PIGN: variants seen among roughly 807,000 people sequenced by gnomAD.
The protein encoded by PIGN is GPI ethanolamine phosphate transferase 1.
Under a neutral mutation model 125.4 loss-of-function variants are expected in PIGN, and 117 were observed. The observed-to-expected ratio is 0.93, with a 90% confidence interval of 0.80 to 1.09. PIGN has a LOEUF of 1.09. Among genes scored for constraint, PIGN ranks in the 50% least tolerant of loss-of-function variants. PIGN has a pLI of 0.00. For missense variants in PIGN, 1,075 were observed against 1,094.9 expected, an observed-to-expected ratio of 0.98 and a Z score of 0.26; for synonymous variants, 392 against 377.8, an observed-to-expected ratio of 1.04 and a Z score of -0.44.
At chr18:62,157,280 C>A in intron 5 of PIGN, 53 bp from the exon 6 acceptor site, 4 of 852,936 alleles carry the variant, frequency 4.7e-6, no homozygotes, top group East Asian at 2.6e-5. Flanking sequence ...ACAATAAGCC[C>A]CTAAAGAACT....
chr18:62,122,126 T>C (rs1054841443), intron 14 of PIGN, among the ~76,000 whole-genome samples: 3 of 152,132 alleles, frequency 2.0e-5, no homozygotes, highest in African/African-American at 4.8e-5. Context: ...TGGTGTTCAA[T>C]AGAGCAGTAG....
intron 30 of PIGN, among the ~76,000 whole-genome samples, chr18:62,072,138 TATTAA>T (rs1226164759): frequency 6.7e-6 from 1 of 150,248 alleles, no homozygotes; most frequent in African/African-American, 2.4e-5. Flanking sequence ...GATTTTAAAA[TATTAA>T]ATTAAAATAT....
At chr18:62,077,095 A>G (rs2033210856) in intron 28 of PIGN, among the ~76,000 whole-genome samples, 1 of 152,146 alleles carries the variant, frequency 6.6e-6, no homozygotes, top group Non-Finnish European at 1.5e-5. Flanking sequence ...AAAGAGCTTT[A>G]GAATGAGTGC....
chr18:62,171,803 T>C (rs1297744926), intron 1 of PIGN, among the ~76,000 whole-genome samples: 1 of 152,212 alleles, frequency 6.6e-6, no homozygotes, highest in African/African-American at 2.4e-5. Context: ...TAAACGCATC[T>C]TACATTCCCA....
intron 30 of PIGN, chr18:62,070,624 T>C (rs1372314557): frequency 2.5e-6 from 1 of 395,262 alleles, no homozygotes; most frequent in African/African-American, 2.1e-5. Context: ...ATAAAATCAG[T>C]ATACAAAAAT....
intron 23 of PIGN, among the ~76,000 whole-genome samples, chr18:62,031,938 T>C (rs941222722): frequency 3.9e-5 from 6 of 152,164 alleles, no homozygotes; most frequent in East Asian, 1.9e-4. Flanking sequence ...TGCTGCTCCC[T>C]CTTAAGGCTC....
rs1289263312 is a variant in PIGN, at chr18:62,147,022, C to G, written c.754G>C (p.Asp252His). ...VSMFNHFYGN[D>H]GKTTFIFTSD... ...GTAAAGATAAATGTTGTTTTCCCAT[C>G]ATTTCCATAGAAGTGGTTAAACATA... The change falls in exon 9 of 31, where the codon GAT (aspartate) becomes CAT (histidine). Residue 252 changes from aspartate to histidine, a missense_variant. By Grantham distance (81) the Asp-to-His change is moderately conservative. Around this residue, in one of 3 missense-constraint regions of PIGN, gnomAD observed 915 missense variants for 908.7 expected, o/e 1.01. Coordinates refer to ENST00000640252, the MANE Select transcript of PIGN (RefSeq NM_176787.5). 2 of 1,612,224 alleles carry G rather than the reference C, an allele frequency of 1.2e-6. No homozygotes were observed. Among genetic ancestry groups the G allele is most frequent in the Admixed American group, 1.7e-5 (1 of 59,942 alleles).
chr18:62,150,952 G>A (rs1410457223), intron 7 of PIGN, among the ~76,000 whole-genome samples: 2 of 152,070 alleles, frequency 1.3e-5, no homozygotes, highest in Non-Finnish European at 2.9e-5. Context: ...CACCCGCCTC[G>A]GCCTCCCAAA....
chr18:62,182,288 T>G (rs572019334), intron 1 of PIGN, among the ~76,000 whole-genome samples: 1 of 151,986 alleles, frequency 6.6e-6, no homozygotes, highest in Admixed American at 6.6e-5. Context: ...CATATGTAAC[T>G]CGAACCTTTA....
chr18:62,074,339 T>C (rs1368626271), intron 29 of PIGN, among the ~76,000 whole-genome samples: 1 of 152,244 alleles, frequency 6.6e-6, no homozygotes, highest in Non-Finnish European at 1.5e-5. Flanking sequence ...AACTCATTTA[T>C]TGCAGCTACG....
At chr18:62,060,442 C>T (rs1199610775) in intron 30 of PIGN, among the ~76,000 whole-genome samples, 1 of 152,180 alleles carries the variant, frequency 6.6e-6, no homozygotes, top group Non-Finnish European at 1.5e-5. Context: ...GCAGGTCATA[C>T]CTGTTCAATG....
intron 14 of PIGN, among the ~76,000 whole-genome samples, chr18:62,128,448 G>C (rs748454132): frequency 7.2e-5 from 11 of 152,110 alleles, no homozygotes; most frequent in Non-Finnish European, 1.5e-4. Context: ...ACTAGGCCAC[G>C]GAAGGTATTT....
chr18:62,173,592 T>C (rs897235880), intron 1 of PIGN, among the ~76,000 whole-genome samples: 2 of 152,170 alleles, frequency 1.3e-5, no homozygotes, highest in South Asian at 4.1e-4. Flanking sequence ...TGGCATTAGG[T>C]ACATTACTAA....
intron 14 of PIGN, among the ~76,000 whole-genome samples, chr18:62,124,861 T>C (rs897616240): frequency 1.3e-5 from 2 of 152,166 alleles, no homozygotes; most frequent in African/African-American, 4.8e-5. Context: ...TGTAAACCTA[T>C]TTCAGAAAAC....
chr18:62,062,882 C>T lies in PIGN; in HGVS notation c.2672+9791G>A, dbSNP rs910080632. On this transcript the variant is annotated intron_variant, in intron 30 of 30. Coordinates refer to ENST00000640252, the MANE Select transcript of PIGN (RefSeq NM_176787.5). ...ATTTGTTTTATGCTTTTGTATTCTG[C>T]TTTTTTTTTTTTTTTTTTTTTTTTT... Among the ~76,000 whole-genome samples, 60 of 21,066 alleles carry T rather than the reference C, an allele frequency of 2.8e-3. 2 individuals carry two copies. The East Asian group carries it at 0.063, about 22-fold the overall frequency. The allele number at this position is 21,066 out of a possible 152,430, so 13.8% of individuals were successfully genotyped here. A position where few individuals can be genotyped will look rare whatever the true frequency, so the allele number is the denominator to read the frequency against.
chr18:62,121,912 T>C (rs573441538), intron 14 of PIGN, among the ~76,000 whole-genome samples: 2 of 152,210 alleles, frequency 1.3e-5, no homozygotes, highest in Admixed American at 6.6e-5. Context: ...TTGGATCATA[T>C]GGTAGTTCTA....
intron 23 of PIGN, among the ~76,000 whole-genome samples, chr18:62,031,767 T>G (rs1300137048): frequency 1.3e-5 from 2 of 152,226 alleles, no homozygotes; most frequent in African/African-American, 4.8e-5. Context: ...TTGAGTGATA[T>G]GTGTCAAAGT....
At chr18:62,109,751 T>C (rs1209728413) in intron 17 of PIGN, 83 bp downstream of exon 17, 3 of 1,180,274 alleles carry the variant, frequency 2.5e-6, no homozygotes, top group Admixed American at 2.2e-5. Context: ...TGATGACTTA[T>C]GGTACAGAAA....
intron 1 of PIGN, among the ~76,000 whole-genome samples, chr18:62,172,152 A>C (rs1007451556): frequency 6.6e-6 from 1 of 152,098 alleles, no homozygotes; most frequent in African/African-American, 2.4e-5. Flanking sequence ...ACACATATAG[A>C]TATTCAGGTT....
Sources: allele counts gnomAD v4.1 joint callset (sites outside exome capture counted in the v4.1 genomes callset), GRCh38; gene constraint gnomAD v4.1.1; regional missense constraint gnomAD v4.1.1; transcripts MANE v1.5; gene names NCBI Gene and HGNC (gene_info 2026-07-23, HGNC 2026-07-21).